Variants in TYW5 observed in about 807,000 individuals in gnomAD.
The protein encoded by TYW5 is tRNA-yW synthesizing protein 5, also known as tRNA wybutosine-synthesizing protein 5.
A neutral mutation model predicts 44.4 loss-of-function variants in TYW5; 36 were observed. The observed-to-expected ratio is 0.81, with a 90% CI of 0.62 to 1.07. The LOEUF is 1.07. Ranked by LOEUF, TYW5 falls within the 50% of genes least tolerant of loss-of-function variation. The probability of loss-of-function intolerance (pLI) is 0.00; values close to 1 mark genes in which losing one functional copy is unlikely to be tolerated. For synonymous variants in TYW5, 121 were observed against 128.1 expected (o/e 0.94, Z 0.37); for missense variants, 354 against 365.7 (o/e 0.97, Z 0.26).
intron 5 of TYW5, 142 bp from the exon 6 acceptor site, chr2:199,936,634 A>G: frequency 1.6e-6 from 1 of 636,740 alleles, no homozygotes; most frequent in East Asian, 2.7e-5. Context: ...CCTAACAATA[A>G]AAACATTTGT....
At chr2:199,945,976 C>A (rs1574805262) in intron 2 of TYW5, 2 of 152,202 alleles carry the variant, frequency 1.3e-5, no homozygotes, top group Admixed American at 6.5e-5. Flanking sequence ...TTTGTCTGGA[C>A]TGGCAGCACC....
chr2:199,941,840 C>T (rs1193080987), intron 3 of TYW5, among the ~76,000 whole-genome samples: 1 of 152,146 alleles, frequency 6.6e-6, no homozygotes, highest in Non-Finnish European at 1.5e-5. Flanking sequence ...AGGTCATGCT[C>T]TTCTTGGGGT....
At chr2:199,943,879 C>A (rs1337924553) in intron 2 of TYW5, 45 bp from the exon 3 acceptor site, 1 of 1,447,990 alleles carries the variant, frequency 6.9e-7, no homozygotes, top group East Asian at 2.3e-5. Context: ...AATAACAGAT[C>A]AACTAGTAAG....
In TYW5 at chr2:199,939,070, C is replaced by T. The variant is rs1326828006; in HGVS notation, c.349G>A (p.Asp117Asn). ...LRSLGEDPRK[D>N]VADIRKQFPL... The stretch of plus-strand genomic sequence containing the variant: ...AACTGCTTTCTGATATCTGCAACAT[C>T]CTGCATTTACAGAAACATAAAAAGA... Residue 117 changes from aspartate to asparagine, a missense_variant and splice_region_variant, in exon 5 of 8, where the codon GAT becomes AAT. Physicochemically the swap from Asp to Asn is conservative, Grantham distance 23. Coordinates refer to ENST00000354611, the MANE Select transcript of TYW5 (RefSeq NM_001039693.3). 1 of 1,593,582 alleles carries T rather than the reference C, an allele frequency of 6.3e-7. No individual in the cohort carries two copies. Among genetic ancestry groups the T allele is most frequent in the Non-Finnish European group, 8.5e-7 (1 of 1,174,684 alleles).
intron 1 of TYW5, among the ~76,000 whole-genome samples, chr2:199,954,559 G>A (rs2077578151): frequency 1.3e-5 from 2 of 152,092 alleles, no homozygotes; most frequent in Admixed American, 1.3e-4. Context: ...AGCCTCCCGA[G>A]TAGCTGGGAT....
intron 2 of TYW5, chr2:199,944,142 TTACCTTTGTAAA>T (rs559827803): frequency 1.3e-3 from 290 of 215,580 alleles, no homozygotes; most frequent in Non-Finnish European, 1.8e-3. Context: ...TGGTATCTGA[TTACCTTTGTAAA>T]TACACAGACT....
At chr2:199,948,617 C>T in intron 1 of TYW5, 145 bp from the exon 2 acceptor site, 1 of 728,762 alleles carries the variant, frequency 1.4e-6, no homozygotes, top group Non-Finnish European at 2.2e-6. Flanking sequence ...ACAGTTCATG[C>T]TGTCACTAAA....
Position 199,933,175 on chromosome 2 carries a change from G to A in TYW5, c.840C>T (p.Asp280=), listed in dbSNP as rs771285820. ...ACTCGGCCAGTGTTTTCAAGGCTCT[G>A]TCCAGAATTTGTGCAGCTCTTGATG... ...TAASRAAQIL[D]RALKTLAELP... is the part of the protein sequence containing the mutation. The change falls in exon 8 of 8, where the codon GAC becomes GAT. Residue 280 remains aspartate (D), a synonymous_variant. Transcript: ENST00000354611. The A allele has an allele frequency of 6.2e-7, 1 of 1,613,992 alleles. No individual in the cohort carries two copies. Among genetic ancestry groups the A allele is most frequent in the Middle Eastern group, 1.6e-4 (1 of 6,084 alleles).
At chr2:199,933,768 C>T (rs897467818) in intron 7 of TYW5, among the ~76,000 whole-genome samples, 1 of 152,096 alleles carries the variant, frequency 6.6e-6, no homozygotes, top group Non-Finnish European at 1.5e-5. Flanking sequence ...TCCCTAAAGA[C>T]TTCCTGTTCA....
At position 199,933,200 on chromosome 2, in the gene TYW5, G is replaced by A; in HGVS notation, c.815C>T (p.Ala272Val). The A allele has an allele frequency of 6.2e-7, 1 of 1,614,122 alleles. No individual in the cohort carries two copies. Among genetic ancestry groups the A allele is most frequent in the Non-Finnish European group, 8.5e-7 (1 of 1,180,026 alleles). Residue 272 changes from alanine (A) to valine (V), a missense_variant, in exon 8 of 8, where the codon GCA (alanine) becomes GTA (valine). Physicochemically the swap from Ala to Val is moderately conservative, Grantham distance 64 (BLOSUM62 0). Coordinates refer to ENST00000354611, the MANE Select transcript of TYW5 (RefSeq NM_001039693.3). ...GTCCAGAATTTGTGCAGCTCTTGAT[G>A]CTGCTGTAGGATCTTTGTTTCCATA... ...DTYGNKDPTA[A>V]SRAAQILDRA...
At chr2:199,936,902 C>T (rs2077425171) in intron 5 of TYW5, among the ~76,000 whole-genome samples, 1 of 152,126 alleles carries the variant, frequency 6.6e-6, no homozygotes, top group African/African-American at 2.4e-5. Context: ...GGTACTGTTG[C>T]AACTGCTGCT....
intron 2 of TYW5, 158 bp downstream of exon 2, chr2:199,948,160 T>TA (rs1183730618): frequency 2.5e-5 from 17 of 682,236 alleles, no homozygotes; most frequent in Non-Finnish European, 3.4e-5. Flanking sequence ...TCTTGTCTTT[T>TA]AAAAACCACT....
chr2:199,932,966 A>C lies in TYW5; in HGVS notation c.*101T>G, dbSNP rs2077391010. 5.1e-6 allele frequency: 7 copies of C among 1,366,376 alleles called. No homozygotes were observed. Among genetic ancestry groups the C allele is most frequent in the Non-Finnish European group, 7.0e-6 (7 of 1,003,584 alleles). The allele number at this position is 1,366,376 out of a possible 1,614,324, so 84.6% of individuals were successfully genotyped here. On this transcript the variant is annotated 3_prime_UTR_variant, in exon 8 of 8. Coordinates refer to ENST00000354611, the MANE Select transcript of TYW5 (RefSeq NM_001039693.3). The stretch of plus-strand genomic sequence containing the variant: ...CACAAACACCCCTTCGTACTTACAT[A>C]ATCTGTAAATCTGATGTATCTTTCC...
intron 1 of TYW5, among the ~76,000 whole-genome samples, chr2:199,951,047 T>C (rs1219670398): frequency 2.0e-5 from 3 of 152,362 alleles, no homozygotes; most frequent in Non-Finnish European, 4.4e-5. Context: ...TTACTTTTAT[T>C]AATCCTTCTT....
chr2:199,947,995 G>C (rs781384470), intron 2 of TYW5: 15 of 220,902 alleles, frequency 6.8e-5, no homozygotes, highest in African/African-American at 1.7e-4. Context: ...GGGAGGCTGA[G>C]GCAGGAGTAT....
At chr2:199,940,372 G>A (rs115260775) in intron 3 of TYW5, among the ~76,000 whole-genome samples, 3,390 of 152,180 alleles carry the variant, frequency 0.022, 44 homozygotes, top group Non-Finnish European at 0.034. Flanking sequence ...TTCAATTATC[G>A]CTGGGCGTGG....
intron 7 of TYW5, among the ~76,000 whole-genome samples, chr2:199,935,444 G>A (rs1470064401): frequency 2.0e-5 from 3 of 151,864 alleles, no homozygotes; most frequent in Admixed American, 2.0e-4. Context: ...GTGGGCCCAA[G>A]AGATCCTTCT....
intron 3 of TYW5, chr2:199,943,027 T>G (rs1417617270): frequency 6.6e-6 from 1 of 152,166 alleles, no homozygotes; most frequent in Non-Finnish European, 1.5e-5. Context: ...CAGCTAATTT[T>G]GTATTTTTAG....
At chr2:199,945,570 C>T (rs1217105579) in intron 2 of TYW5, 1 of 152,214 alleles carries the variant, frequency 6.6e-6, no homozygotes, top group African/African-American at 2.4e-5. Flanking sequence ...CTGACCTCAC[C>T]ATATACCCTT....
Sources: allele counts gnomAD v4.1 joint callset (sites outside exome capture counted in the v4.1 genomes callset), GRCh38; gene constraint gnomAD v4.1.1; transcripts MANE v1.5; gene names NCBI Gene and HGNC (gene_info 2026-07-23, HGNC 2026-07-21).